ADAM22: variants seen among roughly 807,000 people sequenced by gnomAD.
The protein encoded by ADAM22 is ADAM metallopeptidase domain 22.
ADAM22 carries 65 observed loss-of-function variants against 144.6 expected under a neutral mutation model. That is an observed-to-expected ratio of 0.45 (90% CI 0.37 to 0.55). The LOEUF is 0.55. ADAM22 is among the 20% of genes least tolerant of loss of function. The pLI is 0.00. For synonymous variants in ADAM22, 391 were observed against 412.6 expected (o/e 0.95, Z 0.63); for missense variants, 974 against 1,184.9 (o/e 0.82, Z 2.61).
chr7:88,080,508 G>A (rs920442923), intron 4 of ADAM22, among the ~76,000 whole-genome samples: 3 of 152,198 alleles, frequency 2.0e-5, no homozygotes, highest in East Asian at 1.9e-4. Flanking sequence ...GAGCAGAACT[G>A]AAGGAAATAG....
chr7:87,986,101 C>T (rs943075790), intron 3 of ADAM22, among the ~76,000 whole-genome samples: 8 of 152,108 alleles, frequency 5.3e-5, no homozygotes, highest in African/African-American at 7.2e-5. Context: ...TTGAAATCTA[C>T]GTTGAACTTT....
Position 88,148,962 on chromosome 7 carries a change from T to G in ADAM22, c.1486-15T>G. ...TCTCCCTACAGTTTCACACGTTGAT[T>G]TTTGTTCATTTTAGTTTCAGCCTAT... On this transcript the variant is annotated splice_polypyrimidine_tract_variant and intron_variant, in intron 17 of 31. Coordinates refer to ENST00000413139, the MANE Select transcript of ADAM22 (RefSeq NM_001324418.2). The G allele has an allele frequency of 6.2e-7, 1 of 1,602,326 alleles. No individual in the cohort carries two copies. Among genetic ancestry groups the G allele is most frequent in the Non-Finnish European group, 8.5e-7 (1 of 1,172,960 alleles).
At position 87,934,307 on chromosome 7, in the gene ADAM22, C is replaced by G; in HGVS notation, c.-159C>G. 8.2e-6 allele frequency: 5 copies of G among 612,112 alleles called. No individual in the cohort carries two copies. The highest frequency in any genetic ancestry group is 1.4e-5 in the Non-Finnish European group (5 of 368,136). The allele number at this position is 612,112 out of a possible 1,614,324, so 37.9% of individuals were successfully genotyped here. A position where few individuals can be genotyped will look rare whatever the true frequency, so the allele number is the denominator to read the frequency against. ...CCGCGAAGCACAATGCAGCACTGAGCCGCGGTGGAGGTTGCAGCGCCACGG... is the reference window on the plus strand; with the variant it reads ...CCGCGAAGCACAATGCAGCACTGAGGCGCGGTGGAGGTTGCAGCGCCACGG... On this transcript the variant is annotated 5_prime_UTR_variant, in exon 1 of 32. Transcript: ENST00000413139.
At chr7:88,028,955 T>A (rs535149335) in intron 3 of ADAM22, among the ~76,000 whole-genome samples, 1 of 152,202 alleles carries the variant, frequency 6.6e-6, no homozygotes, top group South Asian at 2.1e-4. Context: ...TTTTTATCCA[T>A]TAAGCCACTC....
chr7:87,995,210 C>A (rs140368346), intron 3 of ADAM22, among the ~76,000 whole-genome samples: 60 of 152,310 alleles, frequency 3.9e-4, no homozygotes, highest in African/African-American at 1.4e-3. Context: ...TATTGGGAAT[C>A]TCAGTGCCTG....
At chr7:88,167,404 A>C (rs1409488124) in intron 24 of ADAM22, among the ~76,000 whole-genome samples, 1 of 152,132 alleles carries the variant, frequency 6.6e-6, no homozygotes, top group Non-Finnish European at 1.5e-5. Context: ...CCTGCCTGAC[A>C]ATGGATACTG....
intron 29 of ADAM22, 110 bp from the exon 30 acceptor site, chr7:88,186,505 A>G: frequency 2.6e-6 from 2 of 776,136 alleles, no homozygotes; most frequent in Admixed American, 2.0e-5. Context: ...TTTATTTGCC[A>G]TGGTCACTTG....
intron 2 of ADAM22, among the ~76,000 whole-genome samples, chr7:87,942,152 G>A (rs1301552676): frequency 6.6e-6 from 1 of 152,114 alleles, no homozygotes; most frequent in Non-Finnish European, 1.5e-5. Flanking sequence ...AGAAGAAAAG[G>A]TAGAGTCCTT....
At position 88,098,812 on chromosome 7, in the gene ADAM22, G is replaced by A. The variant is rs577073557; in HGVS notation, c.391-9364G>A. On this transcript the variant is annotated intron_variant, in intron 4 of 31. Coordinates refer to ENST00000413139, the MANE Select transcript of ADAM22 (RefSeq NM_001324418.2). The stretch of plus-strand genomic sequence containing the variant: ...TTAAATGAAATTATTCTTTTTCATC[G>A]GCTCGTTTTATTTCCTTTTAATTTT... 1.6e-4 allele frequency among the ~76,000 whole-genome samples: 24 copies of A among 151,602 alleles called. No individual in the cohort carries two copies. The South Asian group carries it at 3.4e-3, about 21-fold the overall frequency.
intron 3 of ADAM22, among the ~76,000 whole-genome samples, chr7:88,067,516 A>T (rs1377904228): frequency 6.6e-6 from 1 of 151,976 alleles, no homozygotes; most frequent in African/African-American, 2.4e-5. Flanking sequence ...ATATTTGTAG[A>T]CTGTTAATTT....
At chr7:88,034,034 ACC>A (rs1399234787) in intron 3 of ADAM22, among the ~76,000 whole-genome samples, 3 of 151,698 alleles carry the variant, frequency 2.0e-5, no homozygotes, top group Non-Finnish European at 4.4e-5. Context: ...TTGGTGCTCC[ACC>A]CCAGTGTGGC....
chr7:88,082,649 C>A (rs1387579303), intron 4 of ADAM22, among the ~76,000 whole-genome samples: 1 of 152,082 alleles, frequency 6.6e-6, no homozygotes, highest in Non-Finnish European at 1.5e-5. Context: ...AAGAAAAAAA[C>A]AAACAACCCC....
intron 3 of ADAM22, among the ~76,000 whole-genome samples, chr7:88,012,681 C>A (rs984609240): frequency 6.6e-6 from 1 of 152,152 alleles, no homozygotes; most frequent in Non-Finnish European, 1.5e-5. Context: ...TGTTCATGTG[C>A]TGGTAAGGTA....
At chr7:88,080,677 TC>T in intron 4 of ADAM22, among the ~76,000 whole-genome samples, 1 of 152,106 alleles carries the variant, frequency 6.6e-6, no homozygotes, top group East Asian at 1.9e-4. Flanking sequence ...TCTCCACCGA[TC>T]CCACAGAAAT....
Position 88,196,623 on chromosome 7 carries a change from G to A in ADAM22, c.*132G>A, listed in dbSNP as rs1157747386. The A allele has an allele frequency of 8.3e-6, 8 of 959,836 alleles. No individual in the cohort carries two copies. The highest frequency in any genetic ancestry group is 1.3e-5 in the Non-Finnish European group (8 of 619,506). 59.5% of individuals were successfully genotyped at this position (959,836 alleles called of 1,614,324 possible). On this transcript the variant is annotated 3_prime_UTR_variant, in exon 32 of 32. Transcript: ENST00000413139. ...AGACCCTCTGAGATGCTACAGAGGA[G>A]AGGAAGCGGAGTTTCACATCTGGTT...
chr7:88,122,475 TTC>T (rs1376391501), intron 7 of ADAM22, among the ~76,000 whole-genome samples: 1 of 152,180 alleles, frequency 6.6e-6, no homozygotes, highest in Non-Finnish European at 1.5e-5. Context: ...TGTCAAATTC[TTC>T]TCTTTGGCCC....
intron 4 of ADAM22, among the ~76,000 whole-genome samples, chr7:88,100,605 A>G (rs1320142016): frequency 6.6e-6 from 1 of 152,200 alleles, no homozygotes; most frequent in African/African-American, 2.4e-5. Context: ...CATCTTTAAC[A>G]TAAAATTTAG....
chr7:88,013,457 C>T (rs185831745), intron 3 of ADAM22, among the ~76,000 whole-genome samples: 40 of 152,228 alleles, frequency 2.6e-4, no homozygotes, highest in South Asian at 1.5e-3. Context: ...CAGAGTCTTG[C>T]TGTGTCACCC....
intron 4 of ADAM22, among the ~76,000 whole-genome samples, chr7:88,088,682 C>A (rs1819058198): frequency 6.6e-6 from 1 of 152,136 alleles, no homozygotes; most frequent in Non-Finnish European, 1.5e-5. Flanking sequence ...CAGGATTTCT[C>A]ATGTCACCTC....
Sources: gnomAD v4.1 joint callset for allele counts (sites outside exome capture counted in the v4.1 genomes callset) on GRCh38, gnomAD v4.1.1 for gene constraint, MANE v1.5 for transcripts, NCBI Gene and HGNC (gene_info 2026-07-23, HGNC 2026-07-21) for gene names.